DNAH7: variants seen among roughly 807,000 people sequenced by gnomAD.
DNAH7 encodes dynein axonemal heavy chain 7, also known as axonemal beta dynein heavy chain 7.
Under a neutral mutation model 444.6 loss-of-function variants are expected in DNAH7, and 397 were observed. The ratio of observed to expected loss-of-function variants is 0.89; its 90% CI spans 0.82 to 0.97. DNAH7 has a LOEUF of 0.97. Ranked by LOEUF, DNAH7 falls within the 50% of genes least tolerant of loss-of-function variation. DNAH7 has a pLI of 0.00. For synonymous variants in DNAH7, 1,636 were observed against 1,624.4 expected, an observed-to-expected ratio of 1.01 and a Z score of -0.17; for missense variants, 4,902 against 4,800.8, an observed-to-expected ratio of 1.02 and a Z score of -0.62.
At chr2:195,967,938 T>C (rs1047473668) in intron 17 of DNAH7, among the ~76,000 whole-genome samples, 7 of 152,230 alleles carry the variant, frequency 4.6e-5, no homozygotes, top group African/African-American at 1.4e-4. Flanking sequence ...GACAAAATCC[T>C]TCCCACCCTT....
At chr2:196,015,753 A>C (rs939265966) in intron 9 of DNAH7, among the ~76,000 whole-genome samples, 1 of 152,224 alleles carries the variant, frequency 6.6e-6, no homozygotes, top group Non-Finnish European at 1.5e-5. Flanking sequence ...GAGATGTCGT[A>C]TATTTTCAAG....
chr2:195,869,696 C>A (rs539460266), intron 40 of DNAH7, among the ~76,000 whole-genome samples: 3 of 152,058 alleles, frequency 2.0e-5, no homozygotes, highest in Admixed American at 2.0e-4. Flanking sequence ...AGCCAGGAGA[C>A]CTGTACTGCT....
chr2:196,047,420 G>A lies in DNAH7; in HGVS notation c.330C>T (p.Ser110=). ...VDDSYVGPST[S]KSKGKSPHKE... is the part of the protein sequence containing the mutation. ...TATGTGGAGATTTGCCCTTTGATTTGGAAGTAGATGGTCCAACATAACTAT... is the reference window on the plus strand; with the variant it reads ...TATGTGGAGATTTGCCCTTTGATTTAGAAGTAGATGGTCCAACATAACTAT... Residue 110 remains serine, a synonymous_variant, in exon 5 of 65, where the codon TCC becomes TCT. Coordinates refer to ENST00000312428, the MANE Select transcript of DNAH7 (RefSeq NM_018897.3). The A allele has an allele frequency of 6.2e-7, 1 of 1,603,470 alleles. No homozygotes were observed. Among genetic ancestry groups the A allele is most frequent in the Non-Finnish European group, 8.5e-7 (1 of 1,174,180 alleles).
chr2:195,872,912 G>A (rs1051903646), intron 39 of DNAH7, among the ~76,000 whole-genome samples: 4 of 151,520 alleles, frequency 2.6e-5, no homozygotes, highest in Non-Finnish European at 4.4e-5. Flanking sequence ...ATTAAAATAC[G>A]TAAAAAAAAT....
intron 61 of DNAH7, among the ~76,000 whole-genome samples, chr2:195,770,506 C>A (rs114861304): frequency 1.3e-5 from 2 of 152,156 alleles, no homozygotes; most frequent in Non-Finnish European, 2.9e-5. Context: ...AGCTTGTTTT[C>A]TCTTGGCTTT....
intron 5 of DNAH7, among the ~76,000 whole-genome samples, chr2:196,043,553 A>T (rs1696909380): frequency 6.6e-6 from 1 of 152,188 alleles, no homozygotes; most frequent in South Asian, 2.1e-4. Flanking sequence ...AGAAACAAAG[A>T]TAAATAGATG....
intron 12 of DNAH7, 133 bp from the exon 13 acceptor site, chr2:195,988,362 T>C (rs1693067454): frequency 2.6e-6 from 2 of 770,896 alleles, no homozygotes; most frequent in Admixed American, 7.2e-5. Context: ...GTTTAACCTC[T>C]AATCTATAGA....
chr2:195,858,938 A>G (rs1244438139), intron 42 of DNAH7, 134 bp from the exon 43 acceptor site: 1 of 680,266 alleles, frequency 1.5e-6, no homozygotes, highest in Non-Finnish European at 2.4e-6. Context: ...TTTTCATATA[A>G]ATGACAATCT....
At chr2:195,801,419 T>C (rs1057044547) in intron 54 of DNAH7, among the ~76,000 whole-genome samples, 11 of 152,084 alleles carry the variant, frequency 7.2e-5, no homozygotes, top group African/African-American at 2.7e-4. Context: ...CAGTTTAAAA[T>C]TAAACTCCTA....
chr2:195,796,769 A>G, intron 55 of DNAH7, 32 bp from the exon 56 acceptor site: 1 of 1,574,028 alleles, frequency 6.4e-7, no homozygotes, highest in Non-Finnish European at 8.6e-7. Context: ...ATGTTATTTA[A>G]AATCACATTT....
intron 27 of DNAH7, among the ~76,000 whole-genome samples, chr2:195,905,913 A>C (rs1391120600): frequency 6.6e-6 from 1 of 152,156 alleles, no homozygotes; most frequent in Non-Finnish European, 1.5e-5. Flanking sequence ...CTAAAGAAAT[A>C]TTTCAAAATA....
intron 46 of DNAH7, among the ~76,000 whole-genome samples, chr2:195,852,074 T>A (rs182938335): frequency 1.2e-3 from 185 of 152,128 alleles, no homozygotes; most frequent in Non-Finnish European, 1.5e-3. Context: ...CTGGCTAACA[T>A]GGTGAAACCC....
At position 195,875,780 on chromosome 2, in the gene DNAH7, C is replaced by G; in HGVS notation, c.6181G>C (p.Glu2061Gln). The G allele has an allele frequency of 6.2e-7, 1 of 1,613,800 alleles. No individual in the cohort carries two copies. Among genetic ancestry groups the G allele is most frequent in the African/African-American group, 1.3e-5 (1 of 75,004 alleles). ...TGGTCTAACCACTGTCTAAGTAACT[C>G]AATGGGAGGTTGAGCCCCATATACC... ...REVYGAQPPI[E>Q]LLRQWLDHWN... Residue 2061 changes from glutamate to glutamine, a missense_variant, in exon 38 of 65, where the codon GAG becomes CAG. Glu to Gln is a conservative substitution (Grantham distance 29). Coordinates refer to ENST00000312428, the MANE Select transcript of DNAH7 (RefSeq NM_018897.3).
intron 19 of DNAH7, among the ~76,000 whole-genome samples, chr2:195,942,169 GGT>G (rs1227512272): frequency 6.6e-6 from 1 of 152,084 alleles, no homozygotes; most frequent in Non-Finnish European, 1.5e-5. Flanking sequence ...AAAAGTCAAA[GGT>G]GGGTTAATTT....
intron 19 of DNAH7, among the ~76,000 whole-genome samples, chr2:195,954,343 C>T (rs1259969163): frequency 6.6e-6 from 1 of 152,298 alleles, no homozygotes; most frequent in South Asian, 2.1e-4. Flanking sequence ...CATGTCCCTA[C>T]AAAGGACATG....
chr2:195,756,359 C>T, intron 61 of DNAH7, 74 bp from the exon 62 acceptor site: 1 of 1,258,676 alleles, frequency 7.9e-7, no homozygotes, highest in Middle Eastern at 2.0e-4. Flanking sequence ...CTTTTAAATA[C>T]CTCCTTCATG....
chr2:195,996,381 G>A (rs915750291), intron 12 of DNAH7, among the ~76,000 whole-genome samples: 7 of 151,732 alleles, frequency 4.6e-5, no homozygotes, highest in African/African-American at 1.4e-4. Context: ...CCATTTTAGA[G>A]GACAAGTAAA....
chr2:195,797,731 C>T (rs1696230726), intron 55 of DNAH7, among the ~76,000 whole-genome samples: 2 of 152,194 alleles, frequency 1.3e-5, no homozygotes. Context: ...ATTCTTCAGG[C>T]TCCAACTAGG....
chr2:195,883,765 CATAAA>C (rs1701555891), intron 35 of DNAH7, among the ~76,000 whole-genome samples: 1 of 151,994 alleles, frequency 6.6e-6, no homozygotes, highest in South Asian at 2.1e-4. Context: ...TTGCAAGAAC[CATAAA>C]AATCCAAAAA....
Sources: allele counts gnomAD v4.1 joint callset (sites outside exome capture counted in the v4.1 genomes callset), GRCh38; gene constraint gnomAD v4.1.1; transcripts MANE v1.5; gene names NCBI Gene and HGNC (gene_info 2026-07-23, HGNC 2026-07-21).